The following ADCY8 variants were observed in gnomAD, a reference collection of about 807,000 sequenced individuals.
The protein encoded by ADCY8 is adenylate cyclase type 8.
A neutral mutation model predicts 119.7 loss-of-function variants in ADCY8; 51 were observed. That is an observed-to-expected ratio of 0.43 (90% CI 0.34 to 0.54). The LOEUF (loss-of-function observed/expected upper bound fraction) is 0.54. Among genes scored for constraint, ADCY8 ranks in the 20% least tolerant of loss-of-function variants. ADCY8 has a pLI of 0.03. For synonymous variants in ADCY8, 665 were observed against 651.0 expected (o/e 1.02, Z -0.33); for missense variants, 1,383 against 1,598.8 (o/e 0.87, Z 2.30).
chr8:130,919,147 C>T (rs75661306), intron 5 of ADCY8, among the ~76,000 whole-genome samples: 1,778 of 152,248 alleles, frequency 0.012, 40 homozygotes, highest in African/African-American at 0.039. Context: ...TGGTCAGTAT[C>T]GCATGTCCAA....
At chr8:130,798,957 C>CA (rs2130104409) in intron 15 of ADCY8, among the ~76,000 whole-genome samples, 1 of 152,048 alleles carries the variant, frequency 6.6e-6, no homozygotes, top group East Asian at 1.9e-4. Flanking sequence ...TATTCAGCCA[C>CA]AAAAAGAAGG....
At chr8:131,033,218 A>T (rs1824048267) in intron 1 of ADCY8, among the ~76,000 whole-genome samples, 1 of 152,238 alleles carries the variant, frequency 6.6e-6, no homozygotes, top group Non-Finnish European at 1.5e-5. Context: ...AAATAGACAC[A>T]CTTGTGAAAT....
intron 9 of ADCY8, 70 bp from the exon 10 acceptor site, chr8:130,849,873 G>T: frequency 2.1e-6 from 3 of 1,426,496 alleles, no homozygotes; most frequent in Non-Finnish European, 2.9e-6. Flanking sequence ...TCTATTCCTG[G>T]TCTTCCTTTC....
At chr8:130,922,685 G>A (rs949499744) in intron 5 of ADCY8, among the ~76,000 whole-genome samples, 3 of 152,030 alleles carry the variant, frequency 2.0e-5, no homozygotes, top group Non-Finnish European at 4.4e-5. Flanking sequence ...CCACAAAACC[G>A]CCATTGTCAT....
chr8:130,888,449 T>G (rs543946723), intron 7 of ADCY8, among the ~76,000 whole-genome samples: 1 of 152,100 alleles, frequency 6.6e-6, no homozygotes, highest in Non-Finnish European at 1.5e-5. Context: ...GCAGCAGAAA[T>G]GGCAGAGTTT....
chr8:130,831,938 T>C (rs1816847075), intron 12 of ADCY8, among the ~76,000 whole-genome samples: 1 of 152,236 alleles, frequency 6.6e-6, no homozygotes, highest in South Asian at 2.1e-4. Flanking sequence ...GCTAAGCTTC[T>C]ATTATCACAC....
intron 5 of ADCY8, among the ~76,000 whole-genome samples, chr8:130,922,728 C>A (rs191015520): frequency 1.3e-5 from 2 of 152,184 alleles, no homozygotes; most frequent in East Asian, 1.9e-4. Flanking sequence ...GTTGGGTACA[C>A]CTCGCAGACG....
intron 8 of ADCY8, among the ~76,000 whole-genome samples, chr8:130,872,198 A>G (rs1372984210): frequency 1.3e-5 from 2 of 152,218 alleles, no homozygotes; most frequent in Non-Finnish European, 2.9e-5. Flanking sequence ...AGGAATTTGA[A>G]TAATAAGGAC....
At chr8:130,951,021 A>T (rs1821254001) in intron 3 of ADCY8, among the ~76,000 whole-genome samples, 1 of 152,170 alleles carries the variant, frequency 6.6e-6, no homozygotes, top group Non-Finnish European at 1.5e-5. Flanking sequence ...TAAATCAGTC[A>T]TGGTTGGATT....
chr8:131,040,452 G>GC lies in ADCY8; in HGVS notation c.-120dup. On this transcript the variant is annotated 5_prime_UTR_variant, in exon 1 of 18. An upstream open reading frame in the 5' UTR loses its in-frame stop. Coordinates refer to ENST00000286355, the MANE Select transcript of ADCY8 (RefSeq NM_001115.3). ...GCAAGGATCCTTTTTATCCTAGGCTGCCCCGTTGCAGGAGCCCTGCGCTAG... is the reference window on the plus strand; with the variant it reads ...GCAAGGATCCTTTTTATCCTAGGCTGCCCCCGTTGCAGGAGCCCTGCGCTAG... The GC allele has an allele frequency of 1.6e-6, 2 of 1,276,786 alleles. No individual in the cohort carries two copies. Among genetic ancestry groups the GC allele is most frequent in the Non-Finnish European group, 2.0e-6 (2 of 990,896 alleles). The allele number at this position is 1,276,786 out of a possible 1,614,324, so 79.1% of individuals were successfully genotyped here. A position where few individuals can be genotyped will look rare whatever the true frequency, so the allele number is the denominator to read the frequency against.
At chr8:130,987,766 T>A (rs1586633130) in intron 2 of ADCY8, among the ~76,000 whole-genome samples, 1 of 152,158 alleles carries the variant, frequency 6.6e-6, no homozygotes, top group African/African-American at 2.4e-5. Flanking sequence ...CATGATATTT[T>A]AAAAGATATG....
chr8:130,957,210 G>A (rs1176699654), intron 2 of ADCY8, among the ~76,000 whole-genome samples: 1 of 152,198 alleles, frequency 6.6e-6, no homozygotes, highest in African/African-American at 2.4e-5. Flanking sequence ...GGTCCTGGCT[G>A]AGATGGTCTC....
chr8:130,850,864 T>G (rs574563915), intron 9 of ADCY8, among the ~76,000 whole-genome samples: 3 of 152,330 alleles, frequency 2.0e-5, no homozygotes, highest in African/African-American at 7.2e-5. Context: ...TATCGAGATC[T>G]GATTATGTGT....
chr8:130,857,743 T>C (rs1274563783), intron 9 of ADCY8, among the ~76,000 whole-genome samples: 1 of 152,224 alleles, frequency 6.6e-6, no homozygotes, highest in East Asian at 1.9e-4. Context: ...GGTTGGAATA[T>C]GATGATATTT....
At chr8:130,945,848 G>T (rs1484049577) in intron 3 of ADCY8, among the ~76,000 whole-genome samples, 1 of 152,208 alleles carries the variant, frequency 6.6e-6, no homozygotes, top group East Asian at 1.9e-4. Flanking sequence ...AGCCCTACAT[G>T]TATTCACTCA....
intron 3 of ADCY8, among the ~76,000 whole-genome samples, chr8:130,948,910 C>G (rs896858194): frequency 6.6e-6 from 1 of 152,102 alleles, no homozygotes; most frequent in Non-Finnish European, 1.5e-5. Context: ...CCCGCCGCCC[C>G]GAGCTGAGTT....
intron 2 of ADCY8, among the ~76,000 whole-genome samples, chr8:130,985,065 A>C (rs1480179871): frequency 6.6e-6 from 1 of 152,186 alleles, no homozygotes; most frequent in South Asian, 2.1e-4. Context: ...TATGTGAAGG[A>C]AACAGGAATC....
intron 3 of ADCY8, among the ~76,000 whole-genome samples, chr8:130,948,620 T>C (rs1413573350): frequency 6.7e-6 from 1 of 149,482 alleles, no homozygotes; most frequent in Admixed American, 6.6e-5. Flanking sequence ...TGTACAGCAC[T>C]TTTTTAGGAA....
intron 8 of ADCY8, among the ~76,000 whole-genome samples, chr8:130,878,597 A>T (rs1284574430): frequency 6.6e-6 from 1 of 152,196 alleles, no homozygotes; most frequent in Non-Finnish European, 1.5e-5. Flanking sequence ...ACAAAATCCA[A>T]AAAAGAGTAT....
Sources: gnomAD v4.1 joint callset for allele counts (sites outside exome capture counted in the v4.1 genomes callset) on GRCh38, gnomAD v4.1.1 for gene constraint, MANE v1.5 for transcripts, NCBI Gene and HGNC (gene_info 2026-07-23, HGNC 2026-07-21) for gene names.